The following MGAT4C variants were observed in gnomAD, a reference collection of about 807,000 sequenced individuals.
MGAT4C encodes MGAT4 family member C, also known as alpha-1,3-mannosyl-glycoprotein 4-beta-N-acetylglucosaminyltransferase C.
In MGAT4C, 19 loss-of-function variants were observed where a neutral mutation model predicts 40.1. That is an observed-to-expected ratio of 0.47 (90% CI 0.33 to 0.70). MGAT4C has a LOEUF of 0.70. Ranked by LOEUF, MGAT4C falls within the 30% of genes least tolerant of loss-of-function variation. The pLI is 0.02. For missense variants in MGAT4C, 491 were observed against 563.2 expected, an observed-to-expected ratio of 0.87 and a Z score of 1.30; for synonymous variants, 181 against 187.1, an observed-to-expected ratio of 0.97 and a Z score of 0.27.
chr12:86,597,950 G>A (rs1486502673), intron 2 of MGAT4C, among the ~76,000 whole-genome samples: 1 of 151,962 alleles, frequency 6.6e-6, no homozygotes, highest in African/African-American at 2.4e-5. Flanking sequence ...GAACTTGTTG[G>A]TCCTATAACA....
At chr12:86,042,555 C>T (rs755313924) in intron 2 of MGAT4C, among the ~76,000 whole-genome samples, 6 of 151,942 alleles carry the variant, frequency 3.9e-5, no homozygotes, top group Non-Finnish European at 5.9e-5. Flanking sequence ...CTTACATGTC[C>T]TTTGCTTATG....
intron 2 of MGAT4C, among the ~76,000 whole-genome samples, chr12:85,991,664 C>T (rs1483387306): frequency 6.6e-6 from 1 of 152,154 alleles, no homozygotes; most frequent in East Asian, 1.9e-4. Flanking sequence ...CCAGAGCTGA[C>T]ATTACAGGCA....
At chr12:86,426,602 C>G (rs1956930399) in intron 3 of MGAT4C, among the ~76,000 whole-genome samples, 1 of 152,116 alleles carries the variant, frequency 6.6e-6, no homozygotes, top group Non-Finnish European at 1.5e-5. Flanking sequence ...GCCTCTGCTC[C>G]AAATGCATAC....
chr12:85,974,726 T>TTTTG lies in MGAT4C; in HGVS notation c.*4559_*4562dup, dbSNP rs1883843904. On this transcript the variant is annotated 3_prime_UTR_variant, in exon 5 of 5. Transcript: ENST00000611864. Reference sequence around the variant, plus strand: ...AATGGCAATAACTAATCACATTGAATTTTGTTATGGCCTTTTTCTTCCTAA... The same window carrying TTTTG: ...AATGGCAATAACTAATCACATTGAATTTTGTTTGTTATGGCCTTTTTCTTCCTAA... 6.6e-6 allele frequency: 1 copy of TTTTG among 150,750 alleles called. No individual in the cohort carries two copies. Among genetic ancestry groups the TTTTG allele is most frequent in the Non-Finnish European group, 1.5e-5 (1 of 67,042 alleles). The allele number at this position is 150,750 out of a possible 1,614,324, so 9.3% of individuals were successfully genotyped here. A position where few individuals can be genotyped will look rare whatever the true frequency, so the allele number is the denominator to read the frequency against.
intron 2 of MGAT4C, among the ~76,000 whole-genome samples, chr12:86,664,710 GA>G (rs1466273856): frequency 9.9e-5 from 15 of 151,910 alleles, no homozygotes; most frequent in Admixed American, 2.0e-4. Context: ...ACCTAAAGAA[GA>G]TTAAAAAATC....
intron 1 of MGAT4C, among the ~76,000 whole-genome samples, chr12:86,735,363 G>T (rs922316450): frequency 2.6e-5 from 4 of 151,798 alleles, no homozygotes; most frequent in African/African-American, 9.7e-5. Context: ...AATCATCAAT[G>T]ATTTGAAAGA....
At chr12:86,774,281 C>CTTTCTTTCTTTCTTCCTTTCTTTCTT (rs1951692302) in intron 1 of MGAT4C, among the ~76,000 whole-genome samples, 3 of 58,934 alleles carry the variant, frequency 5.1e-5, no homozygotes, top group African/African-American at 1.9e-4. Flanking sequence ...CTAAGGCTTG[C>CTTTCTTTCTTTCTTCCTTTCTTTCTT]TCTTTCTTTC....
intron 2 of MGAT4C, among the ~76,000 whole-genome samples, chr12:86,511,983 G>T (rs905761431): frequency 3.3e-5 from 5 of 151,862 alleles, no homozygotes; most frequent in African/African-American, 1.2e-4. Flanking sequence ...GAAAATATTT[G>T]CAATCCATAT....
chr12:86,631,890 C>A (rs370264218), intron 2 of MGAT4C, among the ~76,000 whole-genome samples: 113 of 152,102 alleles, frequency 7.4e-4, no homozygotes, highest in Non-Finnish European at 2.2e-4. Flanking sequence ...GCAACAAAAG[C>A]TAAAATTGAC....
intron 2 of MGAT4C, among the ~76,000 whole-genome samples, chr12:86,711,897 C>A (rs1950562244): frequency 6.6e-6 from 1 of 152,092 alleles, no homozygotes; most frequent in African/African-American, 2.4e-5. Flanking sequence ...ACCATGATGA[C>A]CTTTTAACTG....
At chr12:86,446,682 T>TATACAC (rs1555190162) in intron 2 of MGAT4C, among the ~76,000 whole-genome samples, 1 of 113,446 alleles carries the variant, frequency 8.8e-6, no homozygotes, top group Non-Finnish European at 1.9e-5. Context: ...TATATATATA[T>TATACAC]ATATATATAT....
chr12:86,191,176 A>G (rs1331489153), intron 1 of MGAT4C, among the ~76,000 whole-genome samples: 2 of 150,602 alleles, frequency 1.3e-5, no homozygotes, highest in South Asian at 4.2e-4. Context: ...GAGTGATACA[A>G]ATTTTGGTGC....
rs993049334 is a variant in MGAT4C at position 86,776,387 on chromosome 12, A to C, written c.-261-49146T>G. Among the ~76,000 whole-genome samples, 3 of 152,166 alleles carry C rather than the reference A, an allele frequency of 2.0e-5. No individual in the cohort carries two copies. The East Asian group carries it at 5.8e-4, about 29-fold the overall frequency. ...CAGTTTTTTTTTTCTTTTTGGCTTAAATTTGTATAAATGTTTCCATGTATG... is the reference window on the plus strand; with the variant it reads ...CAGTTTTTTTTTTCTTTTTGGCTTACATTTGTATAAATGTTTCCATGTATG... On this transcript the variant is annotated intron_variant, in intron 1 of 7. Coordinates refer to the MGAT4C transcript ENST00000548651.
chr12:86,374,150 A>T (rs1955778242), intron 3 of MGAT4C, among the ~76,000 whole-genome samples: 1 of 152,110 alleles, frequency 6.6e-6, no homozygotes. Flanking sequence ...GACATGAAAA[A>T]AATGAGAGAT....
chr12:86,788,285 TATTC>T (rs1427311438), intron 1 of MGAT4C, among the ~76,000 whole-genome samples: 1 of 151,178 alleles, frequency 6.6e-6, no homozygotes, highest in African/African-American at 2.4e-5. Context: ...GCTTTAATTT[TATTC>T]ATTATTAGGT....
intron 1 of MGAT4C, among the ~76,000 whole-genome samples, chr12:86,173,457 T>C (rs917247109): frequency 6.6e-6 from 1 of 152,158 alleles, no homozygotes; most frequent in East Asian, 1.9e-4. Flanking sequence ...TTAACTACTT[T>C]ATTTTTATTC....
At chr12:86,280,966 G>A (rs1953204938) in intron 4 of MGAT4C, among the ~76,000 whole-genome samples, 1 of 151,864 alleles carries the variant, frequency 6.6e-6, no homozygotes, top group African/African-American at 2.4e-5. Context: ...TAATTAGAGT[G>A]CTTAATCCAT....
At chr12:86,320,491 G>A (rs1954356280) in intron 4 of MGAT4C, among the ~76,000 whole-genome samples, 1 of 152,080 alleles carries the variant, frequency 6.6e-6, no homozygotes. Flanking sequence ...ATAATAGTAA[G>A]AACTGAAATT....
At chr12:86,499,203 A>G (rs958248371) in intron 2 of MGAT4C, among the ~76,000 whole-genome samples, 1 of 151,796 alleles carries the variant, frequency 6.6e-6, no homozygotes, top group Non-Finnish European at 1.5e-5. Flanking sequence ...GGTGGGGTTA[A>G]AAGTTACAGG....
Sources: allele counts gnomAD v4.1 joint callset (sites outside exome capture counted in the v4.1 genomes callset), GRCh38; gene constraint gnomAD v4.1.1; transcripts MANE v1.5; gene names NCBI Gene and HGNC (gene_info 2026-07-23, HGNC 2026-07-21).